SLC26A2: variants seen among roughly 807,000 people sequenced by gnomAD.
SLC26A2 encodes the protein sulfate transporter.
Under a neutral mutation model 41.1 loss-of-function variants are expected in SLC26A2, and 36 were observed. The ratio of observed to expected loss-of-function variants is 0.88; its 90% CI spans 0.67 to 1.16. The LOEUF (loss-of-function observed/expected upper bound fraction) is 1.16, where lower values mean the gene tolerates loss of function less well. SLC26A2 is among the 50% of genes most tolerant of loss of function. The pLI is 0.00. For missense variants in SLC26A2, 796 were observed against 869.6 expected, an observed-to-expected ratio of 0.92 and a Z score of 1.07; for synonymous variants, 291 against 311.6, an observed-to-expected ratio of 0.93 and a Z score of 0.70.
At chr5:149,963,088 ATT>A (rs547209253) in intron 1 of SLC26A2, among the ~76,000 whole-genome samples, 19,155 of 149,980 alleles carry the variant, frequency 0.13, 1,289 homozygotes, top group Middle Eastern at 0.22. Context: ...TGCTATATTT[ATT>A]TATTTATTTA....
chr5:149,961,738 C>T (rs1299121929), intron 1 of SLC26A2, among the ~76,000 whole-genome samples: 1 of 152,004 alleles, frequency 6.6e-6, no homozygotes, highest in East Asian at 1.9e-4. Flanking sequence ...GTGAAATCTA[C>T]AACTAATGTG....
At chr5:149,976,174 A>G (rs1049896464) in intron 1 of SLC26A2, among the ~76,000 whole-genome samples, 8 of 151,298 alleles carry the variant, frequency 5.3e-5, no homozygotes, top group African/African-American at 2.0e-4. Flanking sequence ...AAAAAAAAAA[A>G]TGTCTCTATC....
chr5:149,977,256 A>G (rs575769830), intron 1 of SLC26A2, among the ~76,000 whole-genome samples: 1 of 152,302 alleles, frequency 6.6e-6, no homozygotes, highest in Non-Finnish European at 1.5e-5. Context: ...TGGGAGGTGA[A>G]AAACCTGGGA....
rs1035245188 is a variant in SLC26A2, at chr5:149,971,917, G to A, written c.-25-5711G>A. ...GATTCAAGTCTAGCTTTCTTAACCC[G>A]GCATAAAGGGCCCTCCAGAATCCCC... On this transcript the variant is annotated intron_variant, in intron 1 of 2. Transcript: ENST00000286298. 7.2e-5 allele frequency among the ~76,000 whole-genome samples: 11 copies of A among 152,208 alleles called. 1 individual carries two copies. Among genetic ancestry groups the A allele is most frequent in the Admixed American group, 4.6e-4 (7 of 15,282 alleles).
chr5:149,964,500 A>G (rs1754768828), intron 1 of SLC26A2, among the ~76,000 whole-genome samples: 1 of 151,834 alleles, frequency 6.6e-6, no homozygotes, highest in Non-Finnish European at 1.5e-5. Context: ...AAAAATAGCC[A>G]GGCGTGGTGG....
chr5:149,960,803 C>G lies in SLC26A2; in HGVS notation c.-202C>G, dbSNP rs1238771536. On this transcript the variant is annotated 5_prime_UTR_variant, in exon 1 of 3. Coordinates refer to ENST00000286298, the MANE Select transcript of SLC26A2 (RefSeq NM_000112.4). ...CGGCATCTCTTCGCCGGTGCGTCCT[C>G]GCCGCGCCCGTAGGTCCCGGCAGCC... is the stretch of plus-strand genomic sequence containing the variant. The G allele has an allele frequency of 6.6e-6, 1 of 152,474 alleles. No individual in the cohort carries two copies. The highest frequency in any genetic ancestry group is 1.5e-5 in the Non-Finnish European group (1 of 68,134). 9.4% of individuals were successfully genotyped at this position (152,474 alleles called of 1,614,324 possible). A position where few individuals can be genotyped will look rare whatever the true frequency, so the allele number is the denominator to read the frequency against.
At chr5:149,965,781 A>C (rs369171423) in intron 1 of SLC26A2, among the ~76,000 whole-genome samples, 16 of 152,298 alleles carry the variant, frequency 1.1e-4, no homozygotes, top group African/African-American at 3.8e-4. Flanking sequence ...ATGTATATAC[A>C]CTTACAGAGA....
At position 149,980,390 on chromosome 5, in the gene SLC26A2, C is replaced by G. The variant is rs199789515; in HGVS notation, c.797C>G (p.Thr266Arg). The G allele has an allele frequency of 1.2e-6, 2 of 1,614,012 alleles. No homozygotes were observed. The highest frequency in any genetic ancestry group is 2.2e-5 in the East Asian group (1 of 44,898). ...ACTGGTGCCTCCTTCACTATTCTTACATCTCAGGCCAAGTATCTTCTTGGG... is the reference window on the plus strand; with the variant it reads ...ACTGGTGCCTCCTTCACTATTCTTAGATCTCAGGCCAAGTATCTTCTTGGG... ...FVTGASFTIL[T>R]SQAKYLLGLN... The change falls in exon 3 of 3, where the codon ACA becomes AGA. Residue 266 changes from threonine to arginine, a missense_variant. By Grantham distance (71) the Thr-to-Arg change is moderately conservative. Coordinates refer to ENST00000286298, the MANE Select transcript of SLC26A2 (RefSeq NM_000112.4).
chr5:149,973,413 T>C (rs944028685), intron 1 of SLC26A2, among the ~76,000 whole-genome samples: 10 of 152,114 alleles, frequency 6.6e-5, no homozygotes, highest in African/African-American at 2.2e-4. Context: ...TGGTGTATTC[T>C]TTTTGGCTAA....
At chr5:149,974,102 T>C (rs556034469) in intron 1 of SLC26A2, among the ~76,000 whole-genome samples, 6 of 152,198 alleles carry the variant, frequency 3.9e-5, no homozygotes, top group Non-Finnish European at 7.3e-5. Context: ...TGAGCCATAA[T>C]TGCATGTCAC....
Position 149,963,094 on chromosome 5 carries a change from T to A in SLC26A2, c.-26+2115T>A, listed in dbSNP as rs879400896. On this transcript the variant is annotated intron_variant, in intron 1 of 2. Transcript: ENST00000286298. ...TGGCAGTGGTGCTATATTTATTTAT[T>A]TATTTATTTATTTATTTATTTATTT... is the stretch of plus-strand genomic sequence containing the variant. Among the ~76,000 whole-genome samples the A allele has an allele frequency of 5.2e-3, 784 of 150,218 alleles. 4 individuals are homozygous for A. Among genetic ancestry groups the A allele is most frequent in the South Asian group, 0.019 (88 of 4,726 alleles).
At chr5:149,964,711 A>T (rs1184280634) in intron 1 of SLC26A2, among the ~76,000 whole-genome samples, 1 of 151,848 alleles carries the variant, frequency 6.6e-6, no homozygotes, top group African/African-American at 2.4e-5. Flanking sequence ...CAGGAGGAGG[A>T]GCTTGCAGTG....
chr5:149,974,741 T>TC (rs1754963514), intron 1 of SLC26A2, among the ~76,000 whole-genome samples: 1 of 150,222 alleles, frequency 6.7e-6, no homozygotes, highest in Non-Finnish European at 1.5e-5. Flanking sequence ...TTTTTTTTTT[T>TC]TGAGAAGGAG....
In SLC26A2 at chr5:149,977,973, C is replaced by T. The variant is rs1755022549; in HGVS notation, c.321C>T (p.Asn107=). The change falls in exon 2 of 3, where the codon AAC becomes AAT. Residue 107 remains asparagine, a synonymous_variant. Coordinates refer to ENST00000286298, the MANE Select transcript of SLC26A2 (RefSeq NM_000112.4). ...QWLPKYDLKK[N]ILGDVMSGLI... is the part of the protein sequence containing the mutation. Reference sequence around the variant, plus strand: ...TCCCAAAATACGACCTAAAGAAAAACATTTTAGGGGATGTGATGTCAGGCT... The same window carrying T: ...TCCCAAAATACGACCTAAAGAAAAATATTTTAGGGGATGTGATGTCAGGCT... 1 of 1,614,112 alleles carries T rather than the reference C, an allele frequency of 6.2e-7. No individual in the cohort carries two copies. Among genetic ancestry groups the T allele is most frequent in the South Asian group, 1.1e-5 (1 of 91,084 alleles).
Position 149,980,858 on chromosome 5 carries a change from G to A in SLC26A2, c.1265G>A (p.Gly422Asp), listed in dbSNP as rs1449461806. 6.2e-7 allele frequency: 1 copy of A among 1,614,048 alleles called. No individual in the cohort carries two copies. Among genetic ancestry groups the A allele is most frequent in the South Asian group, 1.1e-5 (1 of 91,074 alleles). Reference protein sequence around the residue: ...VKANQEMYAIGFCNIIPSFFH... With the variant: ...VKANQEMYAIDFCNIIPSFFH... The stretch of plus-strand genomic sequence containing the variant: ...GCAAACCAGGAAATGTATGCCATTG[G>A]CTTTTGTAATATCATCCCTTCCTTC... The change falls in exon 3 of 3, where the codon GGC (glycine) becomes GAC (aspartate). Residue 422 changes from glycine (G) to aspartate (D), a missense_variant. Coordinates refer to ENST00000286298, the MANE Select transcript of SLC26A2 (RefSeq NM_000112.4).
intron 1 of SLC26A2, among the ~76,000 whole-genome samples, chr5:149,966,847 A>C (rs1581226144): frequency 6.6e-6 from 1 of 152,310 alleles, no homozygotes; most frequent in Non-Finnish European, 1.5e-5. Flanking sequence ...TTTTTAGAAA[A>C]ATATTACAAA....
chr5:149,962,748 C>G (rs1229535264), intron 1 of SLC26A2, among the ~76,000 whole-genome samples: 1 of 152,144 alleles, frequency 6.6e-6, no homozygotes, highest in African/African-American at 2.4e-5. Flanking sequence ...TTGACATAAG[C>G]TTGGTTTTGG....
chr5:149,979,536 G>A (rs1045117780), intron 2 of SLC26A2, among the ~76,000 whole-genome samples: 1 of 151,940 alleles, frequency 6.6e-6, no homozygotes, highest in Non-Finnish European at 1.5e-5. Context: ...GAGCCATCAC[G>A]CCCAACCAAC....
chr5:149,963,510 C>G (rs1034422139), intron 1 of SLC26A2, among the ~76,000 whole-genome samples: 1 of 152,032 alleles, frequency 6.6e-6, no homozygotes, highest in Admixed American at 6.6e-5. Flanking sequence ...ATTTCATGAC[C>G]TCGTGATCCG....
Sources: allele counts gnomAD v4.1 joint callset (sites outside exome capture counted in the v4.1 genomes callset), GRCh38; gene constraint gnomAD v4.1.1; transcripts MANE v1.5; gene names NCBI Gene and HGNC (gene_info 2026-07-23, HGNC 2026-07-21).